Variants in MID1 observed in about 807,000 individuals in gnomAD.
MID1 encodes midline 1, also known as E3 ubiquitin-protein ligase Midline-1.
MID1 carries 7 observed loss-of-function variants against 40.4 expected under a neutral mutation model. The observed-to-expected ratio is 0.17, with a 90% CI of 0.10 to 0.33. MID1 has a LOEUF of 0.33. Among genes scored for constraint, MID1 ranks in the 10% least tolerant of loss-of-function variants. The pLI is 1.00. For missense variants in MID1, 367 were observed against 558.5 expected (o/e 0.66, Z 3.46); for synonymous variants, 229 against 221.2 (o/e 1.04, Z -0.31).
At chrX:10,616,674 C>T (rs1423846082) in intron 1 of MID1, among the ~76,000 whole-genome samples, 2 of 112,606 alleles carry the variant, frequency 1.8e-5, no homozygotes, top group Non-Finnish European at 3.7e-5. Flanking sequence ...ATGCGGTCTA[C>T]AGCCAAGCGA....
chrX:10,687,272 G>A (rs917306763), intron 1 of MID1, among the ~76,000 whole-genome samples: 1 of 111,563 alleles, frequency 9.0e-6, no homozygotes, highest in Non-Finnish European at 1.9e-5. Flanking sequence ...ACCTCCCAAG[G>A]ATGAGTCTTT....
intron 2 of MID1, among the ~76,000 whole-genome samples, chrX:10,555,755 A>C (rs775922411): frequency 2.7e-5 from 3 of 111,138 alleles, no homozygotes; most frequent in Non-Finnish European, 5.7e-5. Flanking sequence ...AGTCTATCCC[A>C]ATGTAAATAA....
intron 1 of MID1, among the ~76,000 whole-genome samples, chrX:10,690,316 A>G (rs143765173): frequency 0.024 from 2,690 of 112,081 alleles, 33 homozygotes; most frequent in African/African-American, 0.047. Flanking sequence ...GCCTGACTTC[A>G]AAAAGCAGTA....
chrX:10,693,193 C>CTTTT (rs758493757), intron 1 of MID1, among the ~76,000 whole-genome samples: 1 of 93,344 alleles, frequency 1.1e-5, no homozygotes, highest in Admixed American at 1.2e-4. Context: ...GGTGTTTTAA[C>CTTTT]TTTTTTTTTT....
intron 1 of MID1, among the ~76,000 whole-genome samples, chrX:10,682,166 A>G (rs982453502): frequency 1.8e-5 from 2 of 111,051 alleles, no homozygotes; most frequent in Non-Finnish European, 3.8e-5. Flanking sequence ...AATATTGGTT[A>G]TATTTCTGTG....
chrX:10,570,067 G>A (rs992215738), intron 1 of MID1, among the ~76,000 whole-genome samples: 1 of 111,884 alleles, frequency 8.9e-6, no homozygotes, highest in Non-Finnish European at 1.9e-5. Flanking sequence ...GCCCTGTAAG[G>A]GCTTCCCATT....
At position 10,495,480 on chromosome X, in the gene MID1, G is replaced by A. The variant is rs918194935; in HGVS notation, c.864+104C>T. 1.6e-5 allele frequency: 10 copies of A among 627,757 alleles called. No homozygotes were observed. The African/African-American group carries it at 2.2e-4, about 14-fold the overall frequency. The allele number at this position is 627,757 out of a possible 1,213,427, so 51.7% of individuals were successfully genotyped here. ...AAGACTTAAGAGGGAATTATAGAATGTATAGAAAAAGAGGGTTCTCAACAT... is the reference window on the plus strand; with the variant it reads ...AAGACTTAAGAGGGAATTATAGAATATATAGAAAAAGAGGGTTCTCAACAT... On this transcript the variant is annotated intron_variant, in intron 4 of 9. Transcript: ENST00000317552.
intron 1 of MID1, among the ~76,000 whole-genome samples, chrX:10,779,900 G>C (rs775707099): frequency 6.7e-4 from 74 of 110,903 alleles, no homozygotes; most frequent in African/African-American, 2.4e-3. Flanking sequence ...GATCAAGACT[G>C]GGCTCTCGGG....
intron 1 of MID1, among the ~76,000 whole-genome samples, chrX:10,823,634 G>A (rs767151447): frequency 1.4e-4 from 15 of 110,739 alleles, no homozygotes; most frequent in Middle Eastern, 4.7e-3. Context: ...GTATGTGTGC[G>A]TGTGTATAAT....
At chrX:10,822,122 G>A (rs2044179026) in intron 1 of MID1, among the ~76,000 whole-genome samples, 1 of 110,778 alleles carries the variant, frequency 9.0e-6, no homozygotes, top group Non-Finnish European at 1.9e-5. Context: ...AAAACAGCAT[G>A]GTACTTGTAC....
chrX:10,477,911 A>G (rs1246501326), intron 5 of MID1, among the ~76,000 whole-genome samples: 1 of 112,524 alleles, frequency 8.9e-6, no homozygotes, highest in Non-Finnish European at 1.9e-5. Flanking sequence ...CACACTTCCA[A>G]AACCACTGAT....
chrX:10,819,266 T>C (rs2044159051), intron 1 of MID1, among the ~76,000 whole-genome samples: 2 of 111,266 alleles, frequency 1.8e-5, no homozygotes, highest in Admixed American at 9.5e-5. Context: ...CTTAGAAGTA[T>C]TGAAAGTTTG....
intron 1 of MID1, among the ~76,000 whole-genome samples, chrX:10,732,603 A>T (rs2043457652): frequency 1.8e-5 from 2 of 112,358 alleles, no homozygotes; most frequent in African/African-American, 6.5e-5. Flanking sequence ...TAAAAGCTTT[A>T]CAAGTTGTTT....
At chrX:10,787,769 T>C (rs781059440) in intron 1 of MID1, among the ~76,000 whole-genome samples, 3 of 104,690 alleles carry the variant, frequency 2.9e-5, no homozygotes, top group South Asian at 4.6e-4. Context: ...AACAGGAATT[T>C]CCCCCCCTAA....
intron 8 of MID1, among the ~76,000 whole-genome samples, chrX:10,455,790 C>G (rs185073109): frequency 2.7e-5 from 3 of 111,688 alleles, no homozygotes; most frequent in Middle Eastern, 4.6e-3. Flanking sequence ...GATAGCAATG[C>G]CTGGGTTTTC....
At chrX:10,785,876 CTAGGTAT>C (rs1243787193) in intron 1 of MID1, among the ~76,000 whole-genome samples, 2 of 111,815 alleles carry the variant, frequency 1.8e-5, no homozygotes, top group African/African-American at 3.3e-5. Context: ...AGAAGAAAAC[CTAGGTAT>C]TACCATTCAG....
chrX:10,580,949 A>C (rs1325405522), intron 1 of MID1, among the ~76,000 whole-genome samples: 2 of 108,159 alleles, frequency 1.8e-5, no homozygotes, highest in African/African-American at 3.4e-5. Context: ...AAAAAAAAAA[A>C]AAAAAAAAAC....
chrX:10,591,865 ACCCTG>A (rs1935310112), intron 1 of MID1, among the ~76,000 whole-genome samples: 1 of 110,826 alleles, frequency 9.0e-6, no homozygotes, highest in East Asian at 2.8e-4. Flanking sequence ...CCCCGGGTCT[ACCCTG>A]TATCTCACAA....
intron 1 of MID1, among the ~76,000 whole-genome samples, chrX:10,792,906 A>T (rs1478457141): frequency 8.9e-6 from 1 of 112,045 alleles, no homozygotes; most frequent in Non-Finnish European, 1.9e-5. Context: ...TATCTCAATT[A>T]AAAAAAGGAG....
Sources: gnomAD v4.1 joint callset for allele counts (sites outside exome capture counted in the v4.1 genomes callset) on GRCh38, gnomAD v4.1.1 for gene constraint, MANE v1.5 for transcripts, NCBI Gene and HGNC (gene_info 2026-07-23, HGNC 2026-07-21) for gene names.